The following NELL2 variants were observed in gnomAD, a reference collection of about 807,000 sequenced individuals.
NELL2 encodes protein kinase C-binding protein NELL2.
Under a neutral mutation model 109.6 loss-of-function variants are expected in NELL2, and 41 were observed. That is an observed-to-expected ratio of 0.37 (90% CI 0.29 to 0.49). The LOEUF (loss-of-function observed/expected upper bound fraction) is 0.49. Ranked by LOEUF, NELL2 falls within the 20% of genes least tolerant of loss-of-function variation. NELL2 has a pLI of 0.98. For missense variants in NELL2, 900 were observed against 1,008.3 expected (o/e 0.89, Z 1.45); for synonymous variants, 355 against 344.7 (o/e 1.03, Z -0.33).
intron 9 of NELL2, among the ~76,000 whole-genome samples, chr12:44,746,555 A>G (rs551264341): frequency 6.6e-6 from 1 of 152,374 alleles, no homozygotes; most frequent in South Asian, 2.1e-4. Context: ...CTCATCTGAC[A>G]AAGGGCTAAT....
intron 2 of NELL2, among the ~76,000 whole-genome samples, chr12:44,861,929 T>C (rs1944854503): frequency 6.6e-6 from 1 of 152,186 alleles, no homozygotes; most frequent in Non-Finnish European, 1.5e-5. Context: ...CTCCTTCAAA[T>C]GCACTGACTT....
At position 44,566,036 on chromosome 12, in the gene NELL2, G is replaced by A. The variant is rs180903387; in HGVS notation, c.1664-33315C>T. Among the ~76,000 whole-genome samples, 3 of 152,228 alleles carry A rather than the reference G, an allele frequency of 2.0e-5. No homozygotes were observed. The East Asian group carries it at 5.8e-4, about 29-fold the overall frequency. ...TCGAAGTCAGGGACCATAAAGACAG[G>A]GAAAGGAAACTTAGGAGCCTCTGGC... is the stretch of plus-strand genomic sequence containing the variant. On this transcript the variant is annotated intron_variant, in intron 15 of 19. Coordinates refer to ENST00000429094, the MANE Select transcript of NELL2 (RefSeq NM_001145108.2).
chr12:44,518,852 A>G (rs1230807005), intron 19 of NELL2, among the ~76,000 whole-genome samples: 5 of 152,238 alleles, frequency 3.3e-5, no homozygotes, highest in Admixed American at 3.3e-4. Context: ...TCGCATATAC[A>G]TTATTAGTAA....
intron 9 of NELL2, among the ~76,000 whole-genome samples, chr12:44,735,673 G>C (rs1939600831): frequency 6.6e-6 from 1 of 152,160 alleles, no homozygotes; most frequent in Non-Finnish European, 1.5e-5. Flanking sequence ...AGCAAAAGCA[G>C]TTCCACTGAT....
At chr12:44,593,211 A>G (rs1944823765) in intron 15 of NELL2, among the ~76,000 whole-genome samples, 1 of 152,190 alleles carries the variant, frequency 6.6e-6, no homozygotes, top group African/African-American at 2.4e-5. Flanking sequence ...AGATAGAATA[A>G]CTCTTTTTGA....
chr12:44,887,652 G>A (rs931462137), intron 1 of NELL2, among the ~76,000 whole-genome samples: 1 of 151,454 alleles, frequency 6.6e-6, no homozygotes, highest in Non-Finnish European at 1.5e-5. Flanking sequence ...GTGTGTGTGT[G>A]TGTGTGTTGT....
At chr12:44,525,116 TTATGGTCTAC>T (rs1191697664) in intron 16 of NELL2, among the ~76,000 whole-genome samples, 1 of 152,218 alleles carries the variant, frequency 6.6e-6, no homozygotes, top group East Asian at 1.9e-4. Flanking sequence ...CATAGCCTTT[TTATGGTCTAC>T]TATAAGGACA....
intron 1 of NELL2, among the ~76,000 whole-genome samples, chr12:44,896,520 T>A (rs914728262): frequency 6.6e-6 from 1 of 152,232 alleles, no homozygotes; most frequent in Non-Finnish European, 1.5e-5. Flanking sequence ...AAGTGGTGTA[T>A]ATTTCCAAGG....
chr12:44,632,066 G>T (rs981169285), intron 13 of NELL2, among the ~76,000 whole-genome samples: 2 of 152,050 alleles, frequency 1.3e-5, no homozygotes, highest in African/African-American at 2.4e-5. Flanking sequence ...ATCTGAAATA[G>T]AAAAATTAGA....
At chr12:44,594,658 A>G (rs1431757863) in intron 15 of NELL2, among the ~76,000 whole-genome samples, 1 of 152,222 alleles carries the variant, frequency 6.6e-6, no homozygotes, top group Non-Finnish European at 1.5e-5. Flanking sequence ...TTTGCCTGTC[A>G]AGAATATAAA....
intron 12 of NELL2, among the ~76,000 whole-genome samples, chr12:44,676,896 A>G (rs1459535009): frequency 6.6e-6 from 1 of 152,158 alleles, no homozygotes; most frequent in Non-Finnish European, 1.5e-5. Context: ...ATAATAACTT[A>G]GATACCAACA....
chr12:44,739,788 G>C (rs1268960296), intron 9 of NELL2, among the ~76,000 whole-genome samples: 1 of 152,218 alleles, frequency 6.6e-6, no homozygotes, highest in African/African-American at 2.4e-5. Flanking sequence ...CTACTCAGGA[G>C]ACTGAGGCAG....
chr12:44,570,982 G>C (rs984226710), intron 15 of NELL2, among the ~76,000 whole-genome samples: 1 of 152,096 alleles, frequency 6.6e-6, no homozygotes, highest in Non-Finnish European at 1.5e-5. Flanking sequence ...AAACCTATTG[G>C]GGTTCTTCTA....
chr12:44,882,306 G>A (rs1356093465), intron 1 of NELL2, among the ~76,000 whole-genome samples: 1 of 150,790 alleles, frequency 6.6e-6, no homozygotes, highest in Admixed American at 6.6e-5. Flanking sequence ...CAACTTTGGT[G>A]GATTAAAACA....
intron 12 of NELL2, among the ~76,000 whole-genome samples, chr12:44,682,541 T>C (rs949119493): frequency 5.9e-5 from 9 of 152,368 alleles, no homozygotes; most frequent in African/African-American, 1.9e-4. Flanking sequence ...CTAGGGTTTT[T>C]ATTGTTTTAG....
chr12:44,768,407 A>G (rs1941418781), intron 9 of NELL2, among the ~76,000 whole-genome samples: 1 of 152,224 alleles, frequency 6.6e-6, no homozygotes, highest in East Asian at 1.9e-4. Context: ...AAATTTAGCT[A>G]TTTGTCTTTA....
At chr12:44,558,909 A>C (rs1943360994) in intron 15 of NELL2, among the ~76,000 whole-genome samples, 1 of 152,206 alleles carries the variant, frequency 6.6e-6, no homozygotes, top group Admixed American at 6.5e-5. Flanking sequence ...GAGCCCAGCA[A>C]GCTAAGATCC....
At chr12:44,723,645 G>T (rs886637472) in intron 9 of NELL2, among the ~76,000 whole-genome samples, 10 of 151,898 alleles carry the variant, frequency 6.6e-5, no homozygotes, top group South Asian at 2.1e-4. Flanking sequence ...TTTGTTTGGG[G>T]TTTTTTTAAT....
chr12:44,735,309 A>G (rs1395505749), intron 9 of NELL2, among the ~76,000 whole-genome samples: 2 of 152,198 alleles, frequency 1.3e-5, no homozygotes, highest in African/African-American at 4.8e-5. Flanking sequence ...AAAAGAAACC[A>G]TATTTCTAAA....
Sources: gnomAD v4.1 joint callset for allele counts (sites outside exome capture counted in the v4.1 genomes callset) on GRCh38, gnomAD v4.1.1 for gene constraint, MANE v1.5 for transcripts, NCBI Gene and HGNC (gene_info 2026-07-23, HGNC 2026-07-21) for gene names.